TRABD2B: variants seen among roughly 807,000 people sequenced by gnomAD.
TRABD2B encodes the protein metalloprotease TIKI2.
TRABD2B carries 14 observed loss-of-function variants against 40.1 expected under a neutral mutation model. The ratio of observed to expected loss-of-function variants is 0.35; its 90% confidence interval spans 0.23 to 0.55. The LOEUF (loss-of-function observed/expected upper bound fraction) is 0.55. TRABD2B is among the 20% of genes least tolerant of loss of function. The probability of loss-of-function intolerance (pLI) is 0.90; values close to 1 mark genes in which losing one functional copy is unlikely to be tolerated. For synonymous variants in TRABD2B, 263 were observed against 277.0 expected, an observed-to-expected ratio of 0.95 and a Z score of 0.50; for missense variants, 541 against 648.6, an observed-to-expected ratio of 0.83 and a Z score of 1.80.
Position 47,765,813 on chromosome 1 carries a change from C to T in TRABD2B, c.*89G>A, listed in dbSNP as rs2124406077. On this transcript the variant is annotated 3_prime_UTR_variant, in exon 7 of 7. Coordinates refer to ENST00000606738, the MANE Select transcript of TRABD2B (RefSeq NM_001194986.2). ...TGTGGACTGCCCTCGACGTGTTGGG[C>T]ACCCCCTGGAGGTGGTGGCAGGAGC... 1.4e-6 allele frequency: 1 copy of T among 702,452 alleles called. No individual in the cohort carries two copies. Among genetic ancestry groups the T allele is most frequent in the East Asian group, 2.7e-5 (1 of 37,276 alleles). 43.5% of individuals were successfully genotyped at this position (702,452 alleles called of 1,614,324 possible).
In TRABD2B at chr1:47,996,354, A is replaced by T; in HGVS notation, c.102+334T>A. 6.6e-6 allele frequency among the ~76,000 whole-genome samples: 1 copy of T among 152,130 alleles called. No homozygotes were observed. Among genetic ancestry groups the T allele is most frequent in the African/African-American group, 2.4e-5 (1 of 41,434 alleles). On this transcript the variant is annotated intron_variant, in intron 1 of 6. Transcript: ENST00000606738. This position sits in a 1 kb window ranked among gnomAD's most constrained non-coding sequence, Gnocchi z 4.6. ...AACACAGTCAGAAGCGGGCAGAGAG[A>T]CCAGAAGGGTAAAGACAGAAAAAAT...
intron 2 of TRABD2B, among the ~76,000 whole-genome samples, chr1:47,909,321 T>C (rs1644718746): frequency 2.0e-5 from 3 of 150,870 alleles, no homozygotes; most frequent in Admixed American, 6.6e-5. Flanking sequence ...CTACTTCTGG[T>C]GAGGGCCGCA....
intron 2 of TRABD2B, among the ~76,000 whole-genome samples, chr1:47,832,921 C>G (rs979993289): frequency 1.3e-5 from 2 of 152,132 alleles, no homozygotes; most frequent in Non-Finnish European, 2.9e-5. Flanking sequence ...AAAAGTGACC[C>G]TCCACCTGGC....
chr1:47,840,743 T>C (rs1297009390), intron 2 of TRABD2B, among the ~76,000 whole-genome samples: 3 of 152,176 alleles, frequency 2.0e-5, no homozygotes, highest in Non-Finnish European at 4.4e-5. Context: ...AGCTTCTGCC[T>C]GAAGTGGGGC....
intron 2 of TRABD2B, among the ~76,000 whole-genome samples, chr1:47,955,008 T>C (rs1340208417): frequency 6.6e-6 from 1 of 151,908 alleles, no homozygotes; most frequent in African/African-American, 2.4e-5. Context: ...GCCTGTCCAC[T>C]TGAGTCCTTC....
chr1:47,983,957 T>A (rs1455298712), intron 2 of TRABD2B, among the ~76,000 whole-genome samples: 1 of 152,190 alleles, frequency 6.6e-6, no homozygotes, highest in Non-Finnish European at 1.5e-5. Flanking sequence ...AGGGAAACCG[T>A]GTGAACTAAA....
At chr1:47,993,050 T>C (rs1158346021) in intron 2 of TRABD2B, among the ~76,000 whole-genome samples, 3 of 152,252 alleles carry the variant, frequency 2.0e-5, no homozygotes, top group African/African-American at 7.2e-5. Flanking sequence ...GCAGGTCTGA[T>C]TCCAATGGTA....
At chr1:47,797,425 A>G (rs1644763122) in intron 3 of TRABD2B, among the ~76,000 whole-genome samples, 1 of 152,162 alleles carries the variant, frequency 6.6e-6, no homozygotes, top group Non-Finnish European at 1.5e-5. Context: ...AGTACCATGA[A>G]GGCAGCAGTC....
intron 2 of TRABD2B, among the ~76,000 whole-genome samples, chr1:47,963,528 A>G (rs1645553072): frequency 6.6e-6 from 1 of 152,236 alleles, no homozygotes; most frequent in African/African-American, 2.4e-5. Flanking sequence ...AGAATGTGGG[A>G]AGAATTTTGA....
At chr1:47,872,131 G>A (rs1557626968) in intron 2 of TRABD2B, among the ~76,000 whole-genome samples, 8 of 152,174 alleles carry the variant, frequency 5.3e-5, no homozygotes, top group Admixed American at 2.0e-4. Flanking sequence ...CAGCATGCAG[G>A]GTCATGGCAG....
At chr1:47,790,805 C>A (rs1203436995) in intron 4 of TRABD2B, among the ~76,000 whole-genome samples, 1 of 152,192 alleles carries the variant, frequency 6.6e-6, no homozygotes, top group Non-Finnish European at 1.5e-5. Context: ...TGGTGGCTGG[C>A]ACATAGTAAG....
At chr1:47,802,932 C>T (rs1644842051) in intron 2 of TRABD2B, among the ~76,000 whole-genome samples, 1 of 152,156 alleles carries the variant, frequency 6.6e-6, no homozygotes, top group Admixed American at 6.5e-5. Flanking sequence ...AGGCAGTAAC[C>T]TGGACCCTGC....
intron 2 of TRABD2B, among the ~76,000 whole-genome samples, chr1:47,962,483 T>G (rs554239835): frequency 6.6e-6 from 1 of 152,268 alleles, no homozygotes; most frequent in East Asian, 1.9e-4. Context: ...GAAACTGAGG[T>G]GTCCTACAGT....
intron 2 of TRABD2B, among the ~76,000 whole-genome samples, chr1:47,844,249 A>G (rs1645437726): frequency 6.6e-6 from 1 of 152,168 alleles, no homozygotes; most frequent in Admixed American, 6.5e-5. Flanking sequence ...CCCTTTGAAT[A>G]GGCCTTTTTC....
intron 3 of TRABD2B, among the ~76,000 whole-genome samples, chr1:47,796,138 A>G (rs1287683912): frequency 1.3e-5 from 2 of 152,212 alleles, no homozygotes; most frequent in African/African-American, 2.4e-5. Flanking sequence ...CAACCTGGAT[A>G]ACAGGCCCAG....
intron 2 of TRABD2B, among the ~76,000 whole-genome samples, chr1:47,825,828 A>G (rs1021908577): frequency 1.1e-4 from 17 of 150,938 alleles, no homozygotes; most frequent in African/African-American, 4.2e-4. Context: ...AGGCTCTAAC[A>G]GTGTGTAGGG....
At chr1:47,881,925 C>A (rs1644308887) in intron 2 of TRABD2B, among the ~76,000 whole-genome samples, 1 of 152,198 alleles carries the variant, frequency 6.6e-6, no homozygotes, top group African/African-American at 2.4e-5. Flanking sequence ...CGTTCATCTG[C>A]ACACCCCCAT....
intron 2 of TRABD2B, among the ~76,000 whole-genome samples, chr1:47,955,335 G>A (rs763729007): frequency 1.2e-4 from 18 of 151,918 alleles, no homozygotes; most frequent in Non-Finnish European, 2.2e-4. Context: ...CCCAAATCCC[G>A]CCTGTTACTG....
At chr1:47,863,593 C>T (rs1398395394) in intron 2 of TRABD2B, among the ~76,000 whole-genome samples, 1 of 151,982 alleles carries the variant, frequency 6.6e-6, no homozygotes, top group Non-Finnish European at 1.5e-5. Context: ...ATCCAGAACA[C>T]TGATAGTGCC....
Sources: allele counts gnomAD v4.1 joint callset (sites outside exome capture counted in the v4.1 genomes callset), GRCh38; gene constraint gnomAD v4.1.1; non-coding constraint Gnocchi (gnomAD v3.1); transcripts MANE v1.5; gene names NCBI Gene and HGNC (gene_info 2026-07-23, HGNC 2026-07-21).